The following PCMT1 variants were observed in gnomAD, a reference collection of about 807,000 sequenced individuals.
PCMT1 encodes protein-L-isoaspartate(D-aspartate) O-methyltransferase.
PCMT1 carries 9 observed loss-of-function variants against 29.2 expected under a neutral mutation model. The ratio of observed to expected loss-of-function variants is 0.31; its 90% CI spans 0.19 to 0.54. The LOEUF (loss-of-function observed/expected upper bound fraction) is 0.54, where lower values mean the gene tolerates loss of function less well. Among genes scored for constraint, PCMT1 ranks in the 20% least tolerant of loss-of-function variants. The probability of loss-of-function intolerance (pLI) is 0.95; values close to 1 mark genes in which losing one functional copy is unlikely to be tolerated. For missense variants in PCMT1, 184 were observed against 282.2 expected (o/e 0.65, Z 2.49); for synonymous variants, 98 against 97.5 (o/e 1.00, Z -0.03).
At chr6:149,790,115 G>A in intron 4 of PCMT1, 57 bp downstream of exon 4, 1 of 1,064,222 alleles carries the variant, frequency 9.4e-7, no homozygotes, top group Non-Finnish European at 1.4e-6. Flanking sequence ...TGATTTGGCT[G>A]TATGTTTTTT....
chr6:149,794,712 C>T, intron 5 of PCMT1: 1 of 417,710 alleles, frequency 2.4e-6, no homozygotes, highest in Non-Finnish European at 4.8e-6. Flanking sequence ...GGAGGTGTTG[C>T]TTGCCTTGGC....
At position 149,786,290 on chromosome 6, in the gene PCMT1, A is replaced by C. The variant is rs373945099; in HGVS notation, c.193-3664A>C. ...GTGCTGACCCCCCCCACCTCCCTCC[A>C]GGACGGGGCGGCTGGCCGGGCGGGG... On this transcript the variant is annotated intron_variant, in intron 3 of 7. Coordinates refer to ENST00000464889, the MANE Select transcript of PCMT1 (RefSeq NM_001360452.2). Among the ~76,000 whole-genome samples, 14 of 20,818 alleles carry C rather than the reference A, an allele frequency of 6.7e-4. 1 individual carries two copies. The highest frequency in any genetic ancestry group is 3.7e-3 in the African/African-American group (3 of 808). 13.7% of individuals were successfully genotyped at this position (20,818 alleles called of 152,430 possible). A position where few individuals can be genotyped will look rare whatever the true frequency, so the allele number is the denominator to read the frequency against.
intron 1 of PCMT1, among the ~76,000 whole-genome samples, 153 bp from the exon 2 acceptor site, chr6:149,771,009 A>G (rs1377277402): frequency 6.6e-6 from 1 of 152,088 alleles, no homozygotes; most frequent in Non-Finnish European, 1.5e-5. Context: ...AGAAAAAAAA[A>G]AAGAAACCAG....
chr6:149,758,899 G>A (rs931215412), intron 1 of PCMT1, among the ~76,000 whole-genome samples: 6 of 151,554 alleles, frequency 4.0e-5, no homozygotes, highest in East Asian at 1.9e-4. Flanking sequence ...TTTTTGAGAC[G>A]GAGTTTTGCT....
intron 1 of PCMT1, among the ~76,000 whole-genome samples, chr6:149,762,351 C>A (rs939187940): frequency 2.6e-5 from 4 of 151,334 alleles, no homozygotes; most frequent in Non-Finnish European, 4.4e-5. Context: ...GCAAGCAGAT[C>A]GGGTATGGGT....
chr6:149,775,060 G>A (rs966342869), intron 3 of PCMT1, among the ~76,000 whole-genome samples: 3 of 152,012 alleles, frequency 2.0e-5, no homozygotes, highest in African/African-American at 7.2e-5. Context: ...GGCCAGGCTG[G>A]TTTTGAACTC....
At chr6:149,780,230 A>G (rs1005684004) in intron 3 of PCMT1, among the ~76,000 whole-genome samples, 4 of 151,936 alleles carry the variant, frequency 2.6e-5, no homozygotes, top group African/African-American at 7.3e-5. Context: ...GGTCCCAGCT[A>G]TTCTGCAGAC....
intron 1 of PCMT1, among the ~76,000 whole-genome samples, chr6:149,753,521 A>G (rs570053150): frequency 2.6e-5 from 4 of 152,040 alleles, no homozygotes; most frequent in African/African-American, 9.7e-5. Flanking sequence ...TAGTAGAGAC[A>G]AGGTTTCTCC....
At chr6:149,786,434 C>A (rs112369494) in intron 3 of PCMT1, among the ~76,000 whole-genome samples, 3 of 81,048 alleles carry the variant, frequency 3.7e-5, no homozygotes, top group Admixed American at 1.3e-4. Context: ...ACCTCCCTCC[C>A]GGACGGGGTG....
chr6:149,750,474 C>T (rs1330644064), intron 1 of PCMT1, among the ~76,000 whole-genome samples: 2 of 152,314 alleles, frequency 1.3e-5, no homozygotes, highest in South Asian at 2.1e-4. Flanking sequence ...GAGGGAGATG[C>T]CACCGTCTGA....
Position 149,789,694 on chromosome 6 carries a change from A to G in PCMT1, c.193-260A>G, listed in dbSNP as rs182198468. On this transcript the variant is annotated intron_variant, in intron 3 of 7. Transcript: ENST00000464889. Reference sequence around the variant, plus strand: ...TAGGGTGGAGACTTTTCACTTATAAATCTTTTAATTTTTTTACTGAATTAA... The same window carrying G: ...TAGGGTGGAGACTTTTCACTTATAAGTCTTTTAATTTTTTTACTGAATTAA... Among the ~76,000 whole-genome samples, 309 of 147,416 alleles carry G rather than the reference A, an allele frequency of 2.1e-3. 1 individual carries two copies. The highest frequency in any genetic ancestry group is 7.6e-3 in the African/African-American group (294 of 38,676).
At chr6:149,776,631 G>A (rs145842931) in intron 3 of PCMT1, among the ~76,000 whole-genome samples, 245 of 152,118 alleles carry the variant, frequency 1.6e-3, no homozygotes, top group Non-Finnish European at 2.8e-3. Flanking sequence ...CAGGTTGGTC[G>A]TGAACTCCTG....
At chr6:149,810,268 C>A (rs1776126353) in intron 7 of PCMT1, 1 of 189,530 alleles carries the variant, frequency 5.3e-6, no homozygotes, top group Non-Finnish European at 1.1e-5. Context: ...CATTTGAACT[C>A]TAAAACACTT....
chr6:149,751,983 C>T (rs1786339488), intron 1 of PCMT1, among the ~76,000 whole-genome samples: 1 of 150,948 alleles, frequency 6.6e-6, no homozygotes, highest in Non-Finnish European at 1.5e-5. Context: ...AGCGATTTTC[C>T]CACTTCAGCC....
chr6:149,763,808 C>CT (rs1159603374), intron 1 of PCMT1, among the ~76,000 whole-genome samples: 2 of 151,990 alleles, frequency 1.3e-5, no homozygotes, highest in African/African-American at 4.8e-5. Flanking sequence ...AAAAATAAAG[C>CT]TGGAGGTAGT....
At chr6:149,804,104 T>C (rs1243250036) in intron 7 of PCMT1, among the ~76,000 whole-genome samples, 2 of 126,804 alleles carry the variant, frequency 1.6e-5, no homozygotes, top group African/African-American at 6.5e-5. Flanking sequence ...AAAAAAAAAA[T>C]TAAAAAGGCA....
Position 149,762,899 on chromosome 6 carries a change from GATATATATCTATGAT to G in PCMT1, c.56-8241_56-8227del, listed in dbSNP as rs1302707493. 8.8e-4 allele frequency among the ~76,000 whole-genome samples: 42 copies of G among 47,686 alleles called. 7 individuals carry two copies. The highest frequency in any genetic ancestry group is 7.7e-3 in the East Asian group (5 of 646). 31.3% of individuals were successfully genotyped at this position (47,686 alleles called of 152,430 possible). A position where few individuals can be genotyped will look rare whatever the true frequency, so the allele number is the denominator to read the frequency against. ...TGATATATATGTTATATATATCTAT[GATATATATCTATGAT>G]ATATATATCTATGATATATATGATA... On this transcript the variant is annotated intron_variant, in intron 1 of 7. Transcript: ENST00000464889.
At chr6:149,774,239 T>A (rs1397907519) in intron 3 of PCMT1, among the ~76,000 whole-genome samples, 1 of 148,458 alleles carries the variant, frequency 6.7e-6, no homozygotes, top group Non-Finnish European at 1.5e-5. Context: ...CTTTTCTTTT[T>A]CTTTTCTTTT....
chr6:149,773,542 C>G (rs1398040334), intron 3 of PCMT1, among the ~76,000 whole-genome samples: 1 of 152,150 alleles, frequency 6.6e-6, no homozygotes, highest in African/African-American at 2.4e-5. Context: ...CGATGCCCGG[C>G]TAATTTTTTA....
Sources: gnomAD v4.1 joint callset for allele counts (sites outside exome capture counted in the v4.1 genomes callset) on GRCh38, gnomAD v4.1.1 for gene constraint, MANE v1.5 for transcripts, NCBI Gene and HGNC (gene_info 2026-07-23, HGNC 2026-07-21) for gene names.